Variants in ASIC2 observed in about 807,000 individuals in gnomAD.
The protein encoded by ASIC2 is acid-sensing ion channel 2.
In ASIC2, 25 loss-of-function variants were observed where a neutral mutation model predicts 57.3. The observed-to-expected ratio is 0.44, with a 90% CI of 0.32 to 0.61. The LOEUF (loss-of-function observed/expected upper bound fraction) is 0.61, where lower values mean the gene tolerates loss of function less well. Ranked by LOEUF, ASIC2 falls within the 20% of genes least tolerant of loss-of-function variation. The pLI, the probability that ASIC2 is intolerant of heterozygous loss-of-function variation, is 0.06. For synonymous variants in ASIC2, 319 were observed against 307.5 expected, an observed-to-expected ratio of 1.04 and a Z score of -0.39; for missense variants, 641 against 738.1, an observed-to-expected ratio of 0.87 and a Z score of 1.52.
At chr17:34,050,494 C>G (rs1237144267) in intron 1 of ASIC2, among the ~76,000 whole-genome samples, 1 of 152,210 alleles carries the variant, frequency 6.6e-6, no homozygotes, top group Non-Finnish European at 1.5e-5. Flanking sequence ...ATCAGAATAT[C>G]AGAATCACAG....
At chr17:33,619,220 A>G (rs1251987686) in intron 1 of ASIC2, among the ~76,000 whole-genome samples, 1 of 151,772 alleles carries the variant, frequency 6.6e-6, no homozygotes, top group Non-Finnish European at 1.5e-5. Context: ...TAATAATTTA[A>G]ATAATAATGG....
intron 1 of ASIC2, among the ~76,000 whole-genome samples, chr17:33,121,596 C>T (rs573826556): frequency 5.3e-4 from 81 of 152,304 alleles, no homozygotes; most frequent in Middle Eastern, 6.8e-3. Context: ...CCAGTCCATG[C>T]TTCTGGCTAC....
intron 1 of ASIC2, among the ~76,000 whole-genome samples, chr17:33,717,294 T>C (rs573899329): frequency 3.3e-5 from 5 of 152,224 alleles, no homozygotes; most frequent in Non-Finnish European, 7.3e-5. Context: ...TGGAAAAAAA[T>C]AGTTTTCTTC....
At chr17:33,707,811 G>T (rs1441115163) in intron 1 of ASIC2, among the ~76,000 whole-genome samples, 3 of 152,188 alleles carry the variant, frequency 2.0e-5, no homozygotes, top group Admixed American at 2.0e-4. Flanking sequence ...GCATGCACCT[G>T]ACTTCCATTA....
intron 1 of ASIC2, among the ~76,000 whole-genome samples, chr17:33,395,798 T>A (rs1469388027): frequency 6.6e-6 from 1 of 152,102 alleles, no homozygotes; most frequent in Admixed American, 6.5e-5. Context: ...TCCCATGAGA[T>A]GCCTGGTAAT....
chr17:33,532,973 C>T (rs1479092799), intron 1 of ASIC2, among the ~76,000 whole-genome samples: 5 of 152,162 alleles, frequency 3.3e-5, no homozygotes, highest in African/African-American at 1.2e-4. Context: ...TTGCCATATG[C>T]CATATGATTT....
intron 1 of ASIC2, among the ~76,000 whole-genome samples, chr17:33,405,958 C>T (rs1910460882): frequency 6.6e-6 from 1 of 152,130 alleles, no homozygotes; most frequent in Non-Finnish European, 1.5e-5. Context: ...GCATTATTTA[C>T]ACTAGCCAAT....
chr17:33,724,220 C>T (rs568056778), intron 1 of ASIC2, among the ~76,000 whole-genome samples: 9 of 152,248 alleles, frequency 5.9e-5, no homozygotes, highest in African/African-American at 2.2e-4. Context: ...ACGAGGCCTC[C>T]CCAGCCACGA....
chr17:33,181,325 AAC>A (rs1194398706), intron 1 of ASIC2, among the ~76,000 whole-genome samples: 1 of 152,206 alleles, frequency 6.6e-6, no homozygotes, highest in Non-Finnish European at 1.5e-5. Flanking sequence ...CACTTTTAAT[AAC>A]ACTTTTATTA....
At chr17:33,464,520 CTTTCTTTCTTTCTTTCTTTCTCTTTCTT>C (rs1912771673) in intron 1 of ASIC2, among the ~76,000 whole-genome samples, 1 of 42,350 alleles carries the variant, frequency 2.4e-5, no homozygotes, top group African/African-American at 1.1e-4. Context: ...TTCTTTCTTT[CTTTCTTTCTTTCTTTCTTTCTCTTTCTT>C]TCTTTCTTTC....
chr17:33,867,691 T>C (rs1178285739), intron 1 of ASIC2, among the ~76,000 whole-genome samples: 1 of 152,196 alleles, frequency 6.6e-6, no homozygotes, highest in African/African-American at 2.4e-5. Context: ...GCAGCAGTGT[T>C]TTGGAGCCCC....
intron 3 of ASIC2, among the ~76,000 whole-genome samples, chr17:33,079,399 G>GT (rs1424468210): frequency 1.3e-5 from 2 of 152,140 alleles, no homozygotes; most frequent in African/African-American, 2.4e-5. Flanking sequence ...AAAGGAGAGA[G>GT]TGTGCGATGC....
intron 1 of ASIC2, among the ~76,000 whole-genome samples, chr17:33,861,900 G>A (rs1362245755): frequency 7.2e-5 from 11 of 152,208 alleles, no homozygotes; most frequent in African/African-American, 2.4e-4. Context: ...ACTGGGAGCA[G>A]GTGGGAGACC....
chr17:33,163,172 A>G (rs1905210046), intron 1 of ASIC2, among the ~76,000 whole-genome samples: 1 of 152,146 alleles, frequency 6.6e-6, no homozygotes. Flanking sequence ...GATCATGGAG[A>G]GGGAATCTGA....
At chr17:33,374,143 G>T (rs187220138) in intron 1 of ASIC2, among the ~76,000 whole-genome samples, 1 of 151,740 alleles carries the variant, frequency 6.6e-6, no homozygotes, top group African/African-American at 2.4e-5. Context: ...TTACAGGTGC[G>T]CACCACCCAA....
intron 1 of ASIC2, among the ~76,000 whole-genome samples, chr17:33,247,596 A>G (rs1356377713): frequency 6.6e-6 from 1 of 152,216 alleles, no homozygotes; most frequent in African/African-American, 2.4e-5. Flanking sequence ...TAGCTTTCAG[A>G]AAATCAAGGT....
chr17:33,431,120 A>G (rs9898946), intron 1 of ASIC2, among the ~76,000 whole-genome samples: 39,346 of 152,046 alleles, frequency 0.26, 5,099 homozygotes, highest in Middle Eastern at 0.34. Flanking sequence ...GCAATTTGAT[A>G]ACATTAGGTA....
intron 1 of ASIC2, among the ~76,000 whole-genome samples, chr17:33,829,625 G>A (rs867155913): frequency 5.3e-5 from 8 of 149,652 alleles, no homozygotes; most frequent in Middle Eastern, 3.4e-3. Flanking sequence ...CATCCAGGCT[G>A]GAGTGCAGTG....
rs184354000 is a variant in ASIC2 at position 33,931,602 on chromosome 17, C to A, written c.555+224376G>T. Among the ~76,000 whole-genome samples the A allele has an allele frequency of 1.6e-3, 250 of 152,330 alleles. 1 individual carries two copies. Among genetic ancestry groups the A allele is most frequent in the African/African-American group, 5.4e-3 (223 of 41,570 alleles). ...GTATCCCTGCTTTAGCAAAGCACAG[C>A]GCTTCTCCACCCCTTAAGCTCTCTT... On this transcript the variant is annotated intron_variant, in intron 1 of 9. Transcript: ENST00000359872.
Sources: allele counts gnomAD v4.1 joint callset (sites outside exome capture counted in the v4.1 genomes callset), GRCh38; gene constraint gnomAD v4.1.1; transcripts MANE v1.5; gene names NCBI Gene and HGNC (gene_info 2026-07-23, HGNC 2026-07-21).